ARHGAP42: variants seen among roughly 807,000 people sequenced by gnomAD.
The protein encoded by ARHGAP42 is Rho GTPase activating protein 42.
In ARHGAP42, 63 loss-of-function variants were observed where a neutral mutation model predicts 125.0. The ratio of observed to expected loss-of-function variants is 0.50; its 90% CI spans 0.41 to 0.62. The LOEUF (loss-of-function observed/expected upper bound fraction) is 0.62, where lower values mean the gene tolerates loss of function less well. Ranked by LOEUF, ARHGAP42 falls within the 20% of genes least tolerant of loss-of-function variation. The probability of loss-of-function intolerance (pLI) is 0.00; values close to 1 mark genes in which losing one functional copy is unlikely to be tolerated. For synonymous variants in ARHGAP42, 339 were observed against 351.0 expected, an observed-to-expected ratio of 0.97 and a Z score of 0.38; for missense variants, 766 against 1,024.2, an observed-to-expected ratio of 0.75 and a Z score of 3.44.
chr11:100,952,885 G>A (rs1026273455), intron 12 of ARHGAP42, among the ~76,000 whole-genome samples: 8 of 151,870 alleles, frequency 5.3e-5, no homozygotes, highest in African/African-American at 9.7e-5. Context: ...ATGCCACCAC[G>A]CCCAGTGCCC....
Position 100,687,716 on chromosome 11 carries a change from T to G in ARHGAP42, c.38T>G (p.Leu13Trp). 6.5e-7 allele frequency: 1 copy of G among 1,548,392 alleles called. No individual in the cohort carries two copies. Among genetic ancestry groups the G allele is most frequent in the Non-Finnish European group, 8.7e-7 (1 of 1,145,936 alleles). Residue 13 changes from leucine to tryptophan, a missense_variant, in exon 1 of 24, where the codon TTG becomes TGG. Physicochemically the swap from Leu to Trp is moderately conservative, Grantham distance 61. Coordinates refer to ENST00000298815, the MANE Select transcript of ARHGAP42 (RefSeq NM_152432.4). ...LPTLEFSDSY[L>W]DSPDFRERLQ... is the part of the protein sequence containing the mutation. Reference sequence around the variant, plus strand: ...ACTCTGGAGTTCAGCGATTCCTACTTGGACAGCCCAGATTTCAGGGAGCGC... The same window carrying G: ...ACTCTGGAGTTCAGCGATTCCTACTGGGACAGCCCAGATTTCAGGGAGCGC...
At chr11:100,714,733 T>C (rs934935726) in intron 1 of ARHGAP42, among the ~76,000 whole-genome samples, 54 of 152,194 alleles carry the variant, frequency 3.5e-4, no homozygotes, top group African/African-American at 1.3e-3. Context: ...CAGATAGACC[T>C]AAAGAATTCT....
At chr11:100,878,460 C>A (rs991159424) in intron 4 of ARHGAP42, among the ~76,000 whole-genome samples, 1 of 152,154 alleles carries the variant, frequency 6.6e-6, no homozygotes, top group Non-Finnish European at 1.5e-5. Context: ...AAACTGTGGT[C>A]CAATTACTAA....
chr11:100,779,081 A>G (rs1401917761), intron 2 of ARHGAP42, among the ~76,000 whole-genome samples: 1 of 152,146 alleles, frequency 6.6e-6, no homozygotes, highest in Admixed American at 6.5e-5. Context: ...CCACAGCTGT[A>G]AAAGCTATTA....
At chr11:100,876,652 T>G (rs11224498) in intron 4 of ARHGAP42, among the ~76,000 whole-genome samples, 2 of 152,342 alleles carry the variant, frequency 1.3e-5, no homozygotes, top group East Asian at 3.9e-4. Context: ...CCAACATTAT[T>G]GAAATCTGTG....
intron 5 of ARHGAP42, 49 bp downstream of exon 5, chr11:100,913,602 G>A: frequency 9.5e-7 from 1 of 1,049,996 alleles, no homozygotes. Flanking sequence ...GTCATATAAA[G>A]TCAAAATTTC....
chr11:100,808,694 C>T (rs1162888913), intron 3 of ARHGAP42, among the ~76,000 whole-genome samples: 4 of 152,094 alleles, frequency 2.6e-5, no homozygotes, highest in African/African-American at 7.2e-5. Flanking sequence ...CGTGAGCCAC[C>T]GCGCCCGGCC....
intron 4 of ARHGAP42, among the ~76,000 whole-genome samples, chr11:100,888,853 T>C (rs1555018208): frequency 6.6e-6 from 1 of 152,138 alleles, no homozygotes; most frequent in African/African-American, 2.4e-5. Context: ...CCTTGTCATA[T>C]TGTGTTAGAA....
chr11:100,936,094 G>A (rs1451550626), intron 7 of ARHGAP42, 109 bp from the exon 8 acceptor site: 2 of 1,353,196 alleles, frequency 1.5e-6, no homozygotes, highest in East Asian at 2.5e-5. Context: ...GGTTGACAGA[G>A]TGATACTCTG....
intron 3 of ARHGAP42, among the ~76,000 whole-genome samples, chr11:100,842,600 G>T (rs1486207646): frequency 6.6e-6 from 1 of 151,990 alleles, no homozygotes; most frequent in Non-Finnish European, 1.5e-5. Flanking sequence ...AAATCATAAG[G>T]TTTTCTTGGT....
chr11:100,715,048 C>CAAAA (rs36017086), intron 1 of ARHGAP42, among the ~76,000 whole-genome samples: 5 of 61,896 alleles, frequency 8.1e-5, no homozygotes, highest in Admixed American at 2.5e-4. Context: ...AACCCTATCT[C>CAAAA]AAAAAAAAAA....
intron 2 of ARHGAP42, among the ~76,000 whole-genome samples, chr11:100,792,367 A>T (rs1251369246): frequency 6.6e-6 from 1 of 152,206 alleles, no homozygotes; most frequent in East Asian, 1.9e-4. Flanking sequence ...TTTTGTTAGG[A>T]TTAATGAAAA....
intron 12 of ARHGAP42, among the ~76,000 whole-genome samples, chr11:100,954,397 A>C (rs547963870): frequency 1.3e-5 from 2 of 152,314 alleles, no homozygotes; most frequent in East Asian, 3.9e-4. Context: ...CCTAACATTC[A>C]GTCCTTATAC....
chr11:100,722,311 A>G (rs1861773643), intron 1 of ARHGAP42, among the ~76,000 whole-genome samples: 1 of 151,782 alleles, frequency 6.6e-6, no homozygotes, highest in South Asian at 2.1e-4. Context: ...CTTATTCTTG[A>G]ATGTTACTAG....
chr11:100,793,507 A>C (rs570414174), intron 2 of ARHGAP42, among the ~76,000 whole-genome samples: 1 of 152,372 alleles, frequency 6.6e-6, no homozygotes, highest in East Asian at 1.9e-4. Context: ...CCAATATGAA[A>C]TAATCATAGG....
intron 18 of ARHGAP42, among the ~76,000 whole-genome samples, chr11:100,974,022 T>A (rs76060442): frequency 1.3e-5 from 2 of 152,106 alleles, no homozygotes; most frequent in African/African-American, 4.8e-5. Flanking sequence ...GCTCTGCACA[T>A]ACCTTAACCT....
chr11:100,802,455 C>T (rs1296748173), intron 3 of ARHGAP42, among the ~76,000 whole-genome samples: 6 of 141,782 alleles, frequency 4.2e-5, no homozygotes, highest in African/African-American at 1.6e-4. Flanking sequence ...GGCAGAGTCT[C>T]ACTCTGTCTC....
At chr11:100,688,015 A>G (rs1023537846) in intron 1 of ARHGAP42, 183 bp downstream of exon 1, 3 of 588,882 alleles carry the variant, frequency 5.1e-6, no homozygotes, top group Non-Finnish European at 8.4e-6. Flanking sequence ...TTACTTACTC[A>G]CATGTCTACA....
chr11:100,688,038 G>C (rs1226045260), intron 1 of ARHGAP42: 1 of 458,316 alleles, frequency 2.2e-6, no homozygotes, highest in Non-Finnish European at 3.8e-6. Flanking sequence ...GATGGGGAAA[G>C]TTCTCTACAG....
Sources: gnomAD v4.1 joint callset for allele counts (sites outside exome capture counted in the v4.1 genomes callset) on GRCh38, gnomAD v4.1.1 for gene constraint, MANE v1.5 for transcripts, NCBI Gene and HGNC (gene_info 2026-07-23, HGNC 2026-07-21) for gene names.